Variants in AGBL4 observed in about 807,000 individuals in gnomAD.
AGBL4 encodes cytosolic carboxypeptidase 6.
In AGBL4, 58 loss-of-function variants were observed where a neutral mutation model predicts 66.4. That is an observed-to-expected ratio of 0.87 (90% CI 0.71 to 1.09). The LOEUF (loss-of-function observed/expected upper bound fraction) is 1.09. Among genes scored for constraint, AGBL4 ranks in the 50% least tolerant of loss-of-function variants. AGBL4 has a pLI of 0.00. For synonymous variants in AGBL4, 234 were observed against 222.9 expected (o/e 1.05, Z -0.44); for missense variants, 579 against 631.0 (o/e 0.92, Z 0.88).
At chr1:49,485,098 C>T (rs1647036676) in intron 3 of AGBL4, among the ~76,000 whole-genome samples, 1 of 151,840 alleles carries the variant, frequency 6.6e-6, no homozygotes, top group African/African-American at 2.4e-5. Context: ...CCAGCCATCC[C>T]ATTACTGGGT....
At chr1:49,380,979 G>A (rs1438357149) in intron 3 of AGBL4, among the ~76,000 whole-genome samples, 1 of 152,146 alleles carries the variant, frequency 6.6e-6, no homozygotes, top group Non-Finnish European at 1.5e-5. Context: ...GGCAACAAAA[G>A]ACAAAATCGA....
intron 3 of AGBL4, among the ~76,000 whole-genome samples, chr1:49,352,662 C>A (rs1229553702): frequency 6.6e-6 from 1 of 152,048 alleles, no homozygotes; most frequent in Admixed American, 6.6e-5. Context: ...ATACCCATAG[C>A]ACCAGGAGCA....
At chr1:49,015,875 A>G (rs542258902) in intron 5 of AGBL4, among the ~76,000 whole-genome samples, 64 of 151,730 alleles carry the variant, frequency 4.2e-4, no homozygotes, top group South Asian at 8.3e-4. Context: ...ATTTCAGCGG[A>G]AAAAAACCCC....
chr1:49,920,416 A>C (rs887147637), intron 1 of AGBL4, among the ~76,000 whole-genome samples: 9 of 152,352 alleles, frequency 5.9e-5, no homozygotes, highest in African/African-American at 2.2e-4. Context: ...CAACCCCATC[A>C]AAAAGTGGGC....
chr1:48,819,279 T>C (rs1456202611), intron 6 of AGBL4, among the ~76,000 whole-genome samples: 1 of 152,176 alleles, frequency 6.6e-6, no homozygotes, highest in African/African-American at 2.4e-5. Context: ...GAATAACCAG[T>C]GCTTAGTTGT....
chr1:49,551,097 A>T (rs989212608), intron 3 of AGBL4, among the ~76,000 whole-genome samples: 1 of 152,082 alleles, frequency 6.6e-6, no homozygotes, highest in Non-Finnish European at 1.5e-5. Context: ...TATTGCTGAG[A>T]CTTTCCAGAG....
chr1:48,556,314 G>A (rs538951687), intron 11 of AGBL4, among the ~76,000 whole-genome samples: 3 of 151,976 alleles, frequency 2.0e-5, no homozygotes, highest in Non-Finnish European at 2.9e-5. Context: ...CACCTCTGAC[G>A]GGCCAGCTGG....
intron 6 of AGBL4, among the ~76,000 whole-genome samples, chr1:48,849,794 G>A (rs888010460): frequency 1.3e-4 from 20 of 152,266 alleles, no homozygotes; most frequent in Admixed American, 3.9e-4. Flanking sequence ...CCAACATGGT[G>A]AAACCCTGTC....
intron 3 of AGBL4, among the ~76,000 whole-genome samples, chr1:49,516,415 A>G (rs544351007): frequency 6.6e-6 from 1 of 152,080 alleles, no homozygotes; most frequent in Non-Finnish European, 1.5e-5. Flanking sequence ...GTAGATAAAA[A>G]AGAGGTGTGC....
At chr1:49,173,698 T>C (rs1646779625) in intron 4 of AGBL4, among the ~76,000 whole-genome samples, 1 of 152,206 alleles carries the variant, frequency 6.6e-6, no homozygotes, top group Non-Finnish European at 1.5e-5. Context: ...GGGTTGGGGT[T>C]ACAATTTTAA....
intron 1 of AGBL4, among the ~76,000 whole-genome samples, chr1:49,969,995 G>A (rs1016256401): frequency 6.6e-6 from 1 of 152,114 alleles, no homozygotes; most frequent in African/African-American, 2.4e-5. Flanking sequence ...ATACATGATG[G>A]GGAAAGAGTA....
intron 2 of AGBL4, among the ~76,000 whole-genome samples, chr1:49,798,742 A>C (rs1274305870): frequency 6.6e-6 from 1 of 152,174 alleles, no homozygotes; most frequent in Non-Finnish European, 1.5e-5. Flanking sequence ...TGACAATTGC[A>C]GTGTTATAGT....
chr1:48,767,824 A>G (rs757972883), intron 6 of AGBL4, among the ~76,000 whole-genome samples: 1 of 152,224 alleles, frequency 6.6e-6, no homozygotes, highest in Non-Finnish European at 1.5e-5. Flanking sequence ...GGGCAAGGGA[A>G]ACCACCAAAG....
chr1:49,725,672 T>C (rs2124698471), intron 2 of AGBL4, among the ~76,000 whole-genome samples: 1 of 150,722 alleles, frequency 6.6e-6, no homozygotes, highest in East Asian at 2.0e-4. Context: ...AATGTTCTTT[T>C]CCTTTGTGGG....
chr1:49,948,355 AAT>A (rs1655664517), intron 1 of AGBL4, among the ~76,000 whole-genome samples: 1 of 116,270 alleles, frequency 8.6e-6, no homozygotes, highest in African/African-American at 3.5e-5. Flanking sequence ...AATATATATA[AAT>A]ATATAAATAC....
chr1:48,640,691 T>G (rs1184043722), intron 8 of AGBL4, among the ~76,000 whole-genome samples: 1 of 152,194 alleles, frequency 6.6e-6, no homozygotes, highest in African/African-American at 2.4e-5. Flanking sequence ...TGGTTCACAG[T>G]CACCTTTGAG....
At chr1:48,842,126 A>G (rs561042059) in intron 6 of AGBL4, among the ~76,000 whole-genome samples, 1 of 152,260 alleles carries the variant, frequency 6.6e-6, no homozygotes, top group South Asian at 2.1e-4. Context: ...GGGAAGCAAC[A>G]TTTACATCTT....
At chr1:48,647,488 T>C (rs575183044) in intron 8 of AGBL4, 3 of 322,090 alleles carry the variant, frequency 9.3e-6, no homozygotes, top group South Asian at 7.2e-5. Context: ...ATTCTGAGGC[T>C]GTACCTGGTA....
chr1:49,774,425 T>G (rs918322561), intron 2 of AGBL4, among the ~76,000 whole-genome samples: 1 of 152,178 alleles, frequency 6.6e-6, no homozygotes, highest in Non-Finnish European at 1.5e-5. Context: ...TCCAGAACAC[T>G]TACTCTGTCC....
Sources: allele counts gnomAD v4.1 joint callset (sites outside exome capture counted in the v4.1 genomes callset), GRCh38; gene constraint gnomAD v4.1.1; transcripts MANE v1.5; gene names NCBI Gene and HGNC (gene_info 2026-07-23, HGNC 2026-07-21).